Variants in PLCH1 observed in about 807,000 individuals in gnomAD.
The protein encoded by PLCH1 is phospholipase C eta 1.
Under a neutral mutation model 126.7 loss-of-function variants are expected in PLCH1, and 60 were observed. That is an observed-to-expected ratio of 0.47 (90% CI 0.38 to 0.59). The LOEUF is 0.59. Among genes scored for constraint, PLCH1 ranks in the 20% least tolerant of loss-of-function variants. PLCH1 has a pLI of 0.00. For missense variants in PLCH1, 1,723 were observed against 2,040.0 expected (o/e 0.84, Z 2.99); for synonymous variants, 719 against 734.9 (o/e 0.98, Z 0.35).
At chr3:155,476,259 T>C (rs1173514143), downstream of PLCH1, among the ~76,000 whole-genome samples, 1 of 152,010 alleles carries the variant, frequency 6.6e-6, no homozygotes, top group Admixed American at 6.6e-5. Flanking sequence ...TAACATCCCT[T>C]TATGATAAAA....
intron 2 of PLCH1, among the ~76,000 whole-genome samples, chr3:155,667,336 A>C (rs546395075): frequency 5.4e-4 from 82 of 152,292 alleles, no homozygotes; most frequent in Non-Finnish European, 9.6e-4. Context: ...GAAACAAATA[A>C]ATGATAAAGT....
At chr3:155,525,271 A>G (rs1195426007) in intron 10 of PLCH1, among the ~76,000 whole-genome samples, 23 of 152,230 alleles carry the variant, frequency 1.5e-4, no homozygotes, top group Non-Finnish European at 7.4e-5. Context: ...ATGTATTAGA[A>G]CCTAATACCT....
Position 155,485,589 on chromosome 3 carries a change from G to A in PLCH1, c.2741C>T (p.Ala914Val), listed in dbSNP as rs1714939450. ...TTTCCTGCCTTTGGCTGGGGCGCTA[G>A]CTGTGCGTCGCAGAATTCTATCTCC... ...SIGDRILRRT[A>V]SAPAKGRKKS... Residue 914 changes from alanine (A) to valine (V), a missense_variant, in exon 22 of 23, where the codon GCT becomes GTT. By Grantham distance (64) the Ala-to-Val change is moderately conservative. Around this residue, in one of 2 missense-constraint regions of PLCH1, gnomAD observed 947 missense variants for 977.1 expected, o/e 0.97. Coordinates refer to ENST00000460012, the MANE Select transcript of PLCH1 (RefSeq NM_014996.4). 8 of 1,613,944 alleles carry A rather than the reference G, an allele frequency of 5.0e-6. No individual in the cohort carries two copies. Among genetic ancestry groups the A allele is most frequent in the Non-Finnish European group, 3.4e-6 (4 of 1,179,950 alleles).
intron 2 of PLCH1, among the ~76,000 whole-genome samples, chr3:155,626,337 C>G (rs1189049710): frequency 6.6e-6 from 1 of 152,140 alleles, no homozygotes; most frequent in Non-Finnish European, 1.5e-5. Flanking sequence ...ACACATATTT[C>G]AATTTCAATC....
downstream of PLCH1, among the ~76,000 whole-genome samples, chr3:155,476,308 C>A (rs984452912): frequency 2.0e-5 from 3 of 151,996 alleles, no homozygotes; most frequent in Non-Finnish European, 4.4e-5. Flanking sequence ...TAATAAAAGT[C>A]ATATACAACA....
intron 6 of PLCH1, among the ~76,000 whole-genome samples, chr3:155,580,688 A>C (rs1359067374): frequency 6.6e-6 from 1 of 152,206 alleles, no homozygotes; most frequent in African/African-American, 2.4e-5. Context: ...ATTACTAATT[A>C]ATATTTTTAG....
In PLCH1 at chr3:155,482,834, G is replaced by T; in HGVS notation, c.3192C>A (p.Ser1064Arg). Residue 1064 changes from serine (S) to arginine (R), a missense_variant, in exon 23 of 23, where the codon AGC becomes AGA. Ser to Arg is a moderately radical substitution (Grantham distance 110). This residue lies in a region of PLCH1 where 947 missense variants were observed against 977.1 expected (regional missense o/e 0.97). Transcript: ENST00000460012. ...RGGRTTSNAT[S>R]NCQENPCPSK... ...TGGGACAGGGGTTTTCCTGGCAATT[G>T]CTTGTGGCATTTGATGTGGTTCTCC... The T allele has an allele frequency of 6.2e-7, 1 of 1,614,084 alleles. No individual in the cohort carries two copies. Among genetic ancestry groups the T allele is most frequent in the Non-Finnish European group, 8.5e-7 (1 of 1,180,008 alleles).
At chr3:155,550,351 A>T (rs1361657995) in intron 9 of PLCH1, among the ~76,000 whole-genome samples, 1 of 152,186 alleles carries the variant, frequency 6.6e-6, no homozygotes, top group Non-Finnish European at 1.5e-5. Context: ...CTTCTAAGAG[A>T]CCACTGAATG....
chr3:155,502,749 C>G (rs569239679), intron 13 of PLCH1, among the ~76,000 whole-genome samples: 94 of 152,196 alleles, frequency 6.2e-4, no homozygotes, highest in African/African-American at 2.2e-3. Context: ...TTTCACAGGT[C>G]GAGCTCTTCC....
intron 2 of PLCH1, among the ~76,000 whole-genome samples, chr3:155,634,375 T>C (rs1256735610): frequency 6.6e-6 from 1 of 152,102 alleles, no homozygotes; most frequent in Non-Finnish European, 1.5e-5. Context: ...TTGCGCAAGG[T>C]AGTTTTGGGG....
intron 21 of PLCH1, among the ~76,000 whole-genome samples, chr3:155,463,185 C>A (rs1712793829): frequency 6.6e-6 from 1 of 152,118 alleles, no homozygotes; most frequent in South Asian, 2.1e-4. Context: ...GCACTCCCAC[C>A]CCCCAGTGAA....
In PLCH1 at chr3:155,570,462, A is replaced by G. The variant is rs187975778; in HGVS notation, c.772-2138T>C. ...TCACTTGCTGTCTCCAATACTGAAT[A>G]TTGTTCTTTCTACAGGCAACTGGTG... On this transcript the variant is annotated intron_variant, in intron 6 of 22. Coordinates refer to ENST00000460012, the MANE Select transcript of PLCH1 (RefSeq NM_014996.4). Among the ~76,000 whole-genome samples the G allele has an allele frequency of 1.4e-3, 216 of 152,290 alleles. 3 individuals are homozygous for G. The highest frequency in any genetic ancestry group is 1.2e-3 in the Non-Finnish European group (84 of 68,006).
At position 155,593,795 on chromosome 3, in the gene PLCH1, A is replaced by C. The variant is rs913920685; in HGVS notation, c.470+146T>G. ...TCATTTATTTGGAGTGAGAGTCAGGAGGGGAGAAGACGGTGTGAGGGGTAA... is the reference window on the plus strand; with the variant it reads ...TCATTTATTTGGAGTGAGAGTCAGGCGGGGAGAAGACGGTGTGAGGGGTAA... On this transcript the variant is annotated intron_variant, in intron 4 of 22. Coordinates refer to ENST00000460012, the MANE Select transcript of PLCH1 (RefSeq NM_014996.4). The C allele has an allele frequency of 4.2e-6, 3 of 711,158 alleles. No homozygotes were observed. The Admixed American group carries it at 8.9e-5, about 21-fold the overall frequency. The allele number at this position is 711,158 out of a possible 1,614,324, so 44.1% of individuals were successfully genotyped here. A position where few individuals can be genotyped will look rare whatever the true frequency, so the allele number is the denominator to read the frequency against.
At chr3:155,696,187 A>G (rs1745784498) in intron 2 of PLCH1, among the ~76,000 whole-genome samples, 1 of 152,224 alleles carries the variant, frequency 6.6e-6, no homozygotes, top group South Asian at 2.1e-4. Flanking sequence ...CTTTGAAACC[A>G]ACAATTTACT....
chr3:155,581,500 A>C (rs1232292459), intron 6 of PLCH1, among the ~76,000 whole-genome samples: 4 of 152,246 alleles, frequency 2.6e-5, no homozygotes, highest in African/African-American at 9.6e-5. Context: ...ATGCTACAAC[A>C]TGAATGAATC....
At chr3:155,485,139 T>A (rs1714840476) in intron 22 of PLCH1, among the ~76,000 whole-genome samples, 2 of 152,200 alleles carry the variant, frequency 1.3e-5, no homozygotes. Context: ...ACTGTCAATT[T>A]CAGATGTTGA....
chr3:155,583,757 C>T (rs1162905768), intron 5 of PLCH1, 115 bp from the exon 6 acceptor site: 1 of 649,312 alleles, frequency 1.5e-6, no homozygotes, highest in Non-Finnish European at 2.5e-6. Context: ...GAGGTGAGCA[C>T]ACATTCTCTT....
intron 2 of PLCH1, among the ~76,000 whole-genome samples, chr3:155,696,974 T>A (rs1455419126): frequency 6.6e-6 from 1 of 152,204 alleles, no homozygotes; most frequent in Non-Finnish European, 1.5e-5. Context: ...CACCTGGGCT[T>A]CCCATACATC....
downstream of PLCH1, among the ~76,000 whole-genome samples, chr3:155,478,843 C>G (rs1035086200): frequency 6.6e-6 from 1 of 152,140 alleles, no homozygotes; most frequent in East Asian, 1.9e-4. Flanking sequence ...TTTCCTGGGA[C>G]AGCCAGAAGT....
Sources: allele counts gnomAD v4.1 joint callset (sites outside exome capture counted in the v4.1 genomes callset), GRCh38; gene constraint gnomAD v4.1.1; regional missense constraint gnomAD v4.1.1; transcripts MANE v1.5; gene names NCBI Gene and HGNC (gene_info 2026-07-23, HGNC 2026-07-21).